The following RASGEF1C variants were observed in gnomAD, a reference collection of about 807,000 sequenced individuals.
The protein encoded by RASGEF1C is RasGEF domain family member 1C, also known as ras-GEF domain-containing family member 1C.
A neutral mutation model predicts 58.1 loss-of-function variants in RASGEF1C; 27 were observed. The ratio of observed to expected loss-of-function variants is 0.46; its 90% CI spans 0.34 to 0.64. RASGEF1C has a LOEUF of 0.64. Among genes scored for constraint, RASGEF1C ranks in the 30% least tolerant of loss-of-function variants. RASGEF1C has a pLI of 0.01. For synonymous variants in RASGEF1C, 243 were observed against 246.3 expected, an observed-to-expected ratio of 0.99 and a Z score of 0.13; for missense variants, 502 against 605.1, an observed-to-expected ratio of 0.83 and a Z score of 1.79.
chr5:180,174,617 T>TGTGTGTG (rs1767190809), intron 1 of RASGEF1C, among the ~76,000 whole-genome samples: 2 of 9,588 alleles, frequency 2.1e-4, no homozygotes, highest in Admixed American at 2.0e-3. Context: ...CATGTGTGTG[T>TGTGTGTG]CTGTGTGTGT....
At chr5:180,167,284 T>C (rs1239506150) in intron 1 of RASGEF1C, among the ~76,000 whole-genome samples, 2 of 152,224 alleles carry the variant, frequency 1.3e-5, no homozygotes, top group Admixed American at 6.5e-5. Flanking sequence ...GTTGTTCAGA[T>C]TGGATAATTT....
chr5:180,204,621 T>C (rs1435438053), intron 1 of RASGEF1C, among the ~76,000 whole-genome samples: 22 of 54,574 alleles, frequency 4.0e-4, no homozygotes, highest in Non-Finnish European at 5.4e-5. Context: ...TATTCCTCTA[T>C]CTATCTATCT....
chr5:180,145,114 A>ATTTATT (rs1009915022), intron 1 of RASGEF1C, among the ~76,000 whole-genome samples: 3 of 151,690 alleles, frequency 2.0e-5, no homozygotes, highest in Admixed American at 6.6e-5. Context: ...GCACCATTTT[A>ATTTATT]TTTATTTTTA....
intron 1 of RASGEF1C, among the ~76,000 whole-genome samples, chr5:180,203,256 C>T (rs1057458233): frequency 6.6e-6 from 1 of 152,112 alleles, no homozygotes; most frequent in Non-Finnish European, 1.5e-5. Flanking sequence ...GATTATGTTA[C>T]GTTGTTATAT....
At chr5:180,169,358 C>T (rs1299432407) in intron 1 of RASGEF1C, among the ~76,000 whole-genome samples, 1 of 152,212 alleles carries the variant, frequency 6.6e-6, no homozygotes, top group Admixed American at 6.5e-5. Context: ...TAAGGGCCTT[C>T]ATGGTTCCCT....
rs7725201 is a variant in RASGEF1C, at chr5:180,102,124, G to A, written c.1323C>T (p.Tyr441=). The A allele has an allele frequency of 0.79, 1,247,782 of 1,588,332 alleles. 492,142 individuals are homozygous for A. Among genetic ancestry groups the A allele is most frequent in the South Asian group, 0.93 (84,643 of 90,572 alleles). The change falls in exon 13 of 14, where the codon TAC becomes TAT. Residue 441 remains tyrosine, a synonymous_variant. Coordinates refer to ENST00000361132, the MANE Select transcript of RASGEF1C (RefSeq NM_175062.4). ...TTTGGTTCTCTGGGCTCTCACTTTCGTAAGAAGCCAAATAAAGACCTAGAC... is the reference window on the plus strand; with the variant it reads ...TTTGGTTCTCTGGGCTCTCACTTTCATAAGAAGCCAAATAAAGACCTAGAC... ...FSEDGLYLAS[Y]ESESPENQTE...
intron 1 of RASGEF1C, among the ~76,000 whole-genome samples, chr5:180,190,504 A>AT (rs1756143358): frequency 2.1e-5 from 2 of 94,160 alleles, no homozygotes; most frequent in East Asian, 4.5e-4. Context: ...AAAAAAAAAA[A>AT]AAAATAATAA....
chr5:180,200,119 G>T (rs76586448), intron 1 of RASGEF1C, among the ~76,000 whole-genome samples: 17,705 of 151,496 alleles, frequency 0.12, 1,189 homozygotes, highest in East Asian at 0.21. Context: ...AATTATCTGG[G>T]CACGGTGGCA....
intron 5 of RASGEF1C, 67 bp from the exon 6 acceptor site, chr5:180,127,750 C>G: frequency 6.8e-7 from 1 of 1,473,542 alleles, no homozygotes. Flanking sequence ...ACTGGGGGGC[C>G]TGCCGTGGTG....
chr5:180,113,144 T>TCTGGGCTGGAC (rs1765992269), intron 11 of RASGEF1C, among the ~76,000 whole-genome samples: 2 of 37,020 alleles, frequency 5.4e-5, no homozygotes, highest in Non-Finnish European at 1.1e-4. Context: ...CGAGGATGGA[T>TCTGGGCTGGAC]GGAGGGATCT....
intron 1 of RASGEF1C, among the ~76,000 whole-genome samples, chr5:180,179,524 C>T (rs1767287704): frequency 6.6e-6 from 1 of 152,150 alleles, no homozygotes; most frequent in Non-Finnish European, 1.5e-5. Context: ...TGCACCGACA[C>T]CTTTGACCTC....
At chr5:180,201,842 G>A (rs372041081) in intron 1 of RASGEF1C, among the ~76,000 whole-genome samples, 1 of 152,200 alleles carries the variant, frequency 6.6e-6, no homozygotes, top group Non-Finnish European at 1.5e-5. Context: ...ATGTGAGGGC[G>A]TGAGGAGAGG....
chr5:180,164,151 G>C (rs1040107408), intron 1 of RASGEF1C, among the ~76,000 whole-genome samples: 3 of 152,108 alleles, frequency 2.0e-5, no homozygotes, highest in Non-Finnish European at 4.4e-5. Flanking sequence ...TTTGTCAATT[G>C]TATTGATCTT....
chr5:180,182,623 C>T (rs1384076707), intron 1 of RASGEF1C, among the ~76,000 whole-genome samples: 2 of 151,872 alleles, frequency 1.3e-5, no homozygotes, highest in Non-Finnish European at 1.5e-5. Flanking sequence ...TTTTACAATC[C>T]CTTAGCTAGA....
Position 180,198,101 on chromosome 5 carries a change from T to C in RASGEF1C, c.-7+10927A>G, listed in dbSNP as rs919729267. 5.3e-5 allele frequency among the ~76,000 whole-genome samples: 8 copies of C among 152,178 alleles called. No homozygotes were observed. Among genetic ancestry groups the C allele is most frequent in the African/African-American group, 1.9e-4 (8 of 41,432 alleles). On this transcript the variant is annotated intron_variant, in intron 1 of 13. Transcript: ENST00000361132. This position sits in a 1 kb window ranked among gnomAD's most constrained non-coding sequence, Gnocchi z 4.5. The stretch of plus-strand genomic sequence containing the variant: ...TCTGTAGGACGCTTCCTGGACAGGC[T>C]TATGGGGCGTGGCAGTTTGGGGCAC...
chr5:180,149,088 C>T (rs371641539), intron 1 of RASGEF1C, among the ~76,000 whole-genome samples: 93 of 110,138 alleles, frequency 8.4e-4, no homozygotes, highest in South Asian at 8.9e-4. Flanking sequence ...CTTTTTTTTT[C>T]TTTTTTTTTT....
At chr5:180,119,078 T>C (rs1766123139) in intron 8 of RASGEF1C, among the ~76,000 whole-genome samples, 1 of 152,204 alleles carries the variant, frequency 6.6e-6, no homozygotes, top group Non-Finnish European at 1.5e-5. Context: ...GCACCTGCAC[T>C]GGGCCCTCGT....
intron 11 of RASGEF1C, 74 bp from the exon 12 acceptor site, chr5:180,111,654 C>T: frequency 1.3e-6 from 2 of 1,561,240 alleles, no homozygotes; most frequent in Non-Finnish European, 8.8e-7. Flanking sequence ...AGGGGCTGGT[C>T]CTGGCAGAGA....
chr5:180,136,803 G>A lies in RASGEF1C; in HGVS notation c.301-288C>T, dbSNP rs1306814482. 1.5e-5 allele frequency: 7 copies of A among 463,210 alleles called. No homozygotes were observed. In the East Asian group the frequency reaches 2.8e-4, roughly 19 times the overall value. The allele number at this position is 463,210 out of a possible 1,614,324, so 28.7% of individuals were successfully genotyped here. A position where few individuals can be genotyped will look rare whatever the true frequency, so the allele number is the denominator to read the frequency against. On this transcript the variant is annotated intron_variant, in intron 3 of 13. Coordinates refer to ENST00000361132, the MANE Select transcript of RASGEF1C (RefSeq NM_175062.4). ...CGGGGAGTGGGGAGTCCTCAGAGCA[G>A]GGGACCCTGCCCCAGGGGTGGGTCT... is the stretch of plus-strand genomic sequence containing the variant.
Sources: allele counts gnomAD v4.1 joint callset (sites outside exome capture counted in the v4.1 genomes callset), GRCh38; gene constraint gnomAD v4.1.1; non-coding constraint Gnocchi (gnomAD v3.1); transcripts MANE v1.5; gene names NCBI Gene and HGNC (gene_info 2026-07-23, HGNC 2026-07-21).